Variants in TTC28 observed in about 807,000 individuals in gnomAD.
TTC28 encodes tetratricopeptide repeat domain 28, also known as tetratricopeptide repeat protein 28.
A neutral mutation model predicts 198.0 loss-of-function variants in TTC28; 61 were observed. The observed-to-expected ratio is 0.31, with a 90% CI of 0.25 to 0.38. TTC28 has a LOEUF of 0.38. TTC28 is among the 10% of genes least tolerant of loss of function. The pLI is 1.00. For missense variants in TTC28, 2,678 were observed against 3,164.0 expected, an observed-to-expected ratio of 0.85 and a Z score of 3.69; for synonymous variants, 1,171 against 1,297.8, an observed-to-expected ratio of 0.90 and a Z score of 2.10.
intron 5 of TTC28, among the ~76,000 whole-genome samples, chr22:28,212,784 C>A (rs1295165446): frequency 1.0e-4 from 1 of 9,690 alleles, no homozygotes; most frequent in African/African-American, 3.3e-4. Context: ...TTTTATGAGG[C>A]CAGCATCATC....
At chr22:28,558,791 G>C (rs903480249) in intron 2 of TTC28, among the ~76,000 whole-genome samples, 1 of 152,172 alleles carries the variant, frequency 6.6e-6, no homozygotes. Flanking sequence ...AGCACTTTGG[G>C]AGGCCAAGAC....
At chr22:28,119,392 T>C (rs1418955000) in intron 6 of TTC28, among the ~76,000 whole-genome samples, 1 of 152,232 alleles carries the variant, frequency 6.6e-6, no homozygotes, top group Admixed American at 6.5e-5. Flanking sequence ...CTCACTGTCT[T>C]AGATGCCATC....
chr22:28,536,067 G>A lies in TTC28; in HGVS notation c.381+93485C>T, dbSNP rs532614679. Among the ~76,000 whole-genome samples, 145 of 150,534 alleles carry A rather than the reference G, an allele frequency of 9.6e-4. 1 individual carries two copies. Among genetic ancestry groups the A allele is most frequent in the Non-Finnish European group, 1.5e-3 (103 of 67,628 alleles). ...CAAAAAATTAGCTTGGCTTGGTGGC[G>A]GGCCCCTGTAGTCCCAGCTACTAGG... On this transcript the variant is annotated intron_variant, in intron 2 of 22. Transcript: ENST00000397906.
At chr22:28,482,621 G>A (rs2048267013) in intron 2 of TTC28, among the ~76,000 whole-genome samples, 1 of 152,118 alleles carries the variant, frequency 6.6e-6, no homozygotes, top group Non-Finnish European at 1.5e-5. Flanking sequence ...ACAACTGAAT[G>A]GCAGTTAGTA....
Position 28,456,657 on chromosome 22 carries a change from C to A in TTC28, c.382-150014G>T, listed in dbSNP as rs186792822. 8.5e-5 allele frequency among the ~76,000 whole-genome samples: 13 copies of A among 152,214 alleles called. No individual in the cohort carries two copies. The East Asian group carries it at 2.3e-3, about 27-fold the overall frequency. ...GTGGCATGATCTCGGCTCACTGCAA[C>A]CTCCACCCCCAGGATTCAAGCGATT... On this transcript the variant is annotated intron_variant, in intron 2 of 22. Transcript: ENST00000397906.
intron 1 of TTC28, among the ~76,000 whole-genome samples, chr22:28,630,079 G>A (rs1461800104): frequency 1.3e-5 from 2 of 151,974 alleles, no homozygotes; most frequent in Non-Finnish European, 2.9e-5. Context: ...TAAGAGACCT[G>A]CCACTAGCCC....
At chr22:28,239,612 T>C (rs1394238898) in intron 5 of TTC28, among the ~76,000 whole-genome samples, 2 of 152,180 alleles carry the variant, frequency 1.3e-5, no homozygotes, top group South Asian at 2.1e-4. Context: ...TAGTCTAGCA[T>C]GAGAGCATGA....
In TTC28 at chr22:28,543,462, G is replaced by A. The variant is rs927049471; in HGVS notation, c.381+86090C>T. Among the ~76,000 whole-genome samples, 3 of 149,922 alleles carry A rather than the reference G, an allele frequency of 2.0e-5. No individual in the cohort carries two copies. In the South Asian group the frequency reaches 6.5e-4, roughly 32 times the overall value. Reference sequence around the variant, plus strand: ...AGGAGGAAGAGGAGGAGGAGGAGATGAACAACAACAGGAGGGGGGAGGAGA... The same window carrying A: ...AGGAGGAAGAGGAGGAGGAGGAGATAAACAACAACAGGAGGGGGGAGGAGA... On this transcript the variant is annotated intron_variant, in intron 2 of 22. Transcript: ENST00000397906.
chr22:28,462,625 G>A (rs1156905699), intron 2 of TTC28, among the ~76,000 whole-genome samples: 4 of 152,122 alleles, frequency 2.6e-5, no homozygotes, highest in Admixed American at 1.3e-4. Context: ...AGTTACTTAG[G>A]AAGTTCTATG....
chr22:28,399,558 G>GC (rs1007022600), intron 2 of TTC28, among the ~76,000 whole-genome samples: 19 of 152,012 alleles, frequency 1.2e-4, no homozygotes, highest in Middle Eastern at 3.4e-3. Context: ...CTTCACCTTG[G>GC]CCCCCCAAAG....
In TTC28 at chr22:28,296,272, T is replaced by C. The variant is rs754432092; in HGVS notation, c.859A>G (p.Lys287Glu). 4 of 1,551,086 alleles carry C rather than the reference T, an allele frequency of 2.6e-6. No individual in the cohort carries two copies. The South Asian group carries it at 3.6e-5, about 14-fold the overall frequency. ...GTGAGAGCCTCCCGGTAATTTCCTT[T>C]GGAGAAGAATGCAGAGCCCAGATTC... ...HGNLGSAFFS[K>E]GNYREALTNH... is the part of the protein sequence containing the mutation. The change falls in exon 5 of 23, where the codon AAA (lysine) becomes GAA (glutamate). Residue 287 changes from lysine (K) to glutamate (E), a missense_variant. This residue lies in a region of TTC28 where 775 missense variants were observed against 845.9 expected (regional missense o/e 0.92). Transcript: ENST00000397906.
intron 2 of TTC28, among the ~76,000 whole-genome samples, chr22:28,575,175 T>C (rs549617388): frequency 1.1e-3 from 170 of 152,344 alleles, no homozygotes; most frequent in African/African-American, 3.8e-3. Flanking sequence ...TAGATTTAAG[T>C]CTTCAATCCA....
chr22:28,105,450 T>C lies in TTC28; in HGVS notation c.3136A>G (p.Thr1046Ala). 2.6e-6 allele frequency: 4 copies of C among 1,551,702 alleles called. No individual in the cohort carries two copies. Among genetic ancestry groups the C allele is most frequent in the Non-Finnish European group, 3.5e-6 (4 of 1,146,990 alleles). ...TCGAAGGTGCCCAGGGATTCATAAG[T>C]CAGGCCCAGGTTCCCATAGGCTCGG... ...QGRAYGNLGL[T>A]YESLGTFERA... The change falls in exon 8 of 23, where the codon ACT (threonine) becomes GCT (alanine). Residue 1046 changes from threonine (T) to alanine (A), a missense_variant. Physicochemically the swap from Thr to Ala is moderately conservative, Grantham distance 58. This residue lies in a region of TTC28 where 727 missense variants were observed against 861.9 expected (regional missense o/e 0.84). Transcript: ENST00000397906.
intron 2 of TTC28, among the ~76,000 whole-genome samples, chr22:28,592,066 G>A (rs1045595690): frequency 6.6e-6 from 1 of 152,148 alleles, no homozygotes; most frequent in African/African-American, 2.4e-5. Context: ...GCAGAGGCAA[G>A]AGCAAGTTGG....
At chr22:28,492,668 A>G (rs780825862) in intron 2 of TTC28, among the ~76,000 whole-genome samples, 1 of 152,202 alleles carries the variant, frequency 6.6e-6, no homozygotes, top group Non-Finnish European at 1.5e-5. Flanking sequence ...AGAATCTCCT[A>G]AAGTTTTGGG....
intron 3 of TTC28, among the ~76,000 whole-genome samples, chr22:28,302,143 T>C (rs1358620942): frequency 6.6e-6 from 1 of 152,096 alleles, no homozygotes. Context: ...TTATTAACTC[T>C]GTCAGGGTAG....
At chr22:28,264,144 T>C (rs715537) in intron 5 of TTC28, among the ~76,000 whole-genome samples, 2,977 of 152,252 alleles carry the variant, frequency 0.02, 62 homozygotes, top group Non-Finnish European at 0.026. Flanking sequence ...GGGAGAAAGC[T>C]GGTGAGAGGT....
At chr22:28,480,357 A>G (rs891976373) in intron 2 of TTC28, among the ~76,000 whole-genome samples, 3 of 152,188 alleles carry the variant, frequency 2.0e-5, no homozygotes, top group African/African-American at 7.2e-5. Flanking sequence ...AAAATTTTAC[A>G]CTTGTGACCT....
At chr22:28,403,643 C>G (rs2046953429) in intron 2 of TTC28, among the ~76,000 whole-genome samples, 2 of 152,220 alleles carry the variant, frequency 1.3e-5, no homozygotes, top group Admixed American at 6.5e-5. Flanking sequence ...CCTTCAACTT[C>G]CAACATACCT....
Sources: gnomAD v4.1 joint callset for allele counts (sites outside exome capture counted in the v4.1 genomes callset) on GRCh38, gnomAD v4.1.1 for gene constraint, gnomAD v4.1.1 regional missense constraint, MANE v1.5 for transcripts, NCBI Gene and HGNC (gene_info 2026-07-23, HGNC 2026-07-21) for gene names.